SERTM1: variants seen among roughly 807,000 people sequenced by gnomAD.
SERTM1 encodes the protein serine rich and transmembrane domain containing 1, also known as serine-rich and transmembrane domain-containing protein 1.
A neutral mutation model predicts 5.5 loss-of-function variants in SERTM1; 1 was observed. That is an observed-to-expected ratio of 0.18 (90% CI 0.06 to 0.86). The LOEUF (loss-of-function observed/expected upper bound fraction) is 0.86, where lower values mean the gene tolerates loss of function less well. Among genes scored for constraint, SERTM1 ranks in the 40% least tolerant of loss-of-function variants. The probability of loss-of-function intolerance (pLI) is 0.69; values close to 1 mark genes in which losing one functional copy is unlikely to be tolerated. For missense variants in SERTM1, 91 were observed against 122.4 expected (o/e 0.74, Z 1.21); for synonymous variants, 52 against 55.1 (o/e 0.94, Z 0.25).
chr13:36,687,281 A>G (rs1289518441), intron 1 of SERTM1, among the ~76,000 whole-genome samples: 3 of 152,200 alleles, frequency 2.0e-5, no homozygotes, highest in Admixed American at 6.5e-5. Flanking sequence ...ATTTATGCAT[A>G]TTTGTGATGT....
intron 1 of SERTM1, among the ~76,000 whole-genome samples, chr13:36,680,705 G>A (rs948129674): frequency 3.9e-5 from 6 of 152,082 alleles, no homozygotes; most frequent in African/African-American, 9.7e-5. Flanking sequence ...TGCTTGTGTG[G>A]TTTTTAGTTT....
rs74883852 is a variant in SERTM1, at chr13:36,696,941, G to A, written c.*1539G>A. On this transcript the variant is annotated 3_prime_UTR_variant, in exon 2 of 2. Transcript: ENST00000315190. ...GCACTCTCCAGTGATTAGAATGGGG[G>A]AAAGAATCCACTATTTGTACAGGGT... The A allele has an allele frequency of 9.4e-4, 157 of 167,096 alleles. 3 individuals are homozygous for A. In the East Asian group the frequency reaches 0.028, roughly 30 times the overall value. The allele number at this position is 167,096 out of a possible 1,614,324, so 10.4% of individuals were successfully genotyped here.
At position 36,695,458 on chromosome 13, in the gene SERTM1, T is replaced by G; in HGVS notation, c.*56T>G. On this transcript the variant is annotated 3_prime_UTR_variant, in exon 2 of 2. Coordinates refer to ENST00000315190, the MANE Select transcript of SERTM1 (RefSeq NM_203451.3). ...CAGTTTTGACATCCCCTTACGGAAG[T>G]GTCCCGTGAGGCATTGCCTCATGAA... is the stretch of plus-strand genomic sequence containing the variant. The G allele has an allele frequency of 7.5e-7, 1 of 1,330,340 alleles. No homozygotes were observed. 82.4% of individuals were successfully genotyped at this position (1,330,340 alleles called of 1,614,324 possible). A position where few individuals can be genotyped will look rare whatever the true frequency, so the allele number is the denominator to read the frequency against.
rs542156490 is a variant in SERTM1 at position 36,695,111 on chromosome 13, G to A, written c.33G>A (p.Ser11=). ...AACCTGACACTTCCTCAGGATTTTC[G>A]GGAAGTGTGGAGAATGGAACTTTTC... is the stretch of plus-strand genomic sequence containing the variant. MSEPDTSSGF[S]GSVENGTFLE... is the part of the protein sequence containing the mutation. Residue 11 remains serine (S), a synonymous_variant, in exon 2 of 2, where the codon TCG becomes TCA. Transcript: ENST00000315190. 36 of 1,613,932 alleles carry A rather than the reference G, an allele frequency of 2.2e-5. No homozygotes were observed. Among genetic ancestry groups the A allele is most frequent in the Admixed American group, 6.7e-5 (4 of 59,988 alleles).
At chr13:36,675,110 G>A (rs971258738) in intron 1 of SERTM1, among the ~76,000 whole-genome samples, 4 of 152,184 alleles carry the variant, frequency 2.6e-5, no homozygotes, top group Non-Finnish European at 5.9e-5. Context: ...GGGCTCCATC[G>A]GACTTGGGTT....
At chr13:36,679,945 T>A (rs758768227) in intron 1 of SERTM1, among the ~76,000 whole-genome samples, 1 of 152,104 alleles carries the variant, frequency 6.6e-6, no homozygotes, top group Non-Finnish European at 1.5e-5. Flanking sequence ...CAAAAAAAAA[T>A]ATTAAACATA....
intron 1 of SERTM1, among the ~76,000 whole-genome samples, chr13:36,681,771 T>G (rs986963121): frequency 6.6e-6 from 1 of 152,192 alleles, no homozygotes; most frequent in Non-Finnish European, 1.5e-5. Flanking sequence ...CTTCATAGTC[T>G]CACTATGGTA....
At chr13:36,677,111 G>C (rs1348381697) in intron 1 of SERTM1, among the ~76,000 whole-genome samples, 1 of 152,122 alleles carries the variant, frequency 6.6e-6, no homozygotes, top group Non-Finnish European at 1.5e-5. Context: ...GTATCCCTAG[G>C]ATACAACGTC....
intron 1 of SERTM1, among the ~76,000 whole-genome samples, chr13:36,686,132 G>C (rs1200351244): frequency 6.6e-6 from 1 of 152,196 alleles, no homozygotes; most frequent in East Asian, 1.9e-4. Context: ...AGGCTTACTA[G>C]TGAGTCACCA....
intron 1 of SERTM1, among the ~76,000 whole-genome samples, chr13:36,687,674 A>G (rs558919477): frequency 8.5e-5 from 13 of 152,274 alleles, no homozygotes; most frequent in African/African-American, 2.6e-4. Context: ...CTAAGTGGCA[A>G]AGAAGTTTGG....
intron 1 of SERTM1, among the ~76,000 whole-genome samples, chr13:36,691,537 A>G (rs142907223): frequency 1.9e-4 from 29 of 152,222 alleles, no homozygotes; most frequent in African/African-American, 7.0e-4. Context: ...ATGAGCTAAA[A>G]CATTTCCACA....
At chr13:36,691,772 C>G (rs1474286064) in intron 1 of SERTM1, among the ~76,000 whole-genome samples, 4 of 152,058 alleles carry the variant, frequency 2.6e-5, no homozygotes, top group African/African-American at 9.7e-5. Flanking sequence ...TGTTTGGGAG[C>G]AACAGCCCAA....
In SERTM1 at chr13:36,684,153, C is replaced by T. The variant is rs184239422; in HGVS notation, c.-174+9969C>T. Among the ~76,000 whole-genome samples the T allele has an allele frequency of 3.3e-5, 5 of 152,114 alleles. No individual in the cohort carries two copies. In the East Asian group the frequency reaches 5.8e-4, roughly 18 times the overall value. On this transcript the variant is annotated intron_variant, in intron 1 of 1. Transcript: ENST00000315190. ...TCTCTACTAAAATACAAAAATTAGCCGGACGTGGTGGTGGGTGCCTCTACT... is the reference window on the plus strand; with the variant it reads ...TCTCTACTAAAATACAAAAATTAGCTGGACGTGGTGGTGGGTGCCTCTACT...
chr13:36,683,895 C>A (rs1475062344), intron 1 of SERTM1, among the ~76,000 whole-genome samples: 2 of 152,202 alleles, frequency 1.3e-5, no homozygotes, highest in African/African-American at 2.4e-5. Context: ...AACCCACAGT[C>A]TCCCCAGAGA....
At chr13:36,684,636 A>G (rs572883070) in intron 1 of SERTM1, among the ~76,000 whole-genome samples, 9 of 152,020 alleles carry the variant, frequency 5.9e-5, no homozygotes, top group African/African-American at 1.7e-4. Flanking sequence ...TGTACCTCTC[A>G]TCATTCTTCT....
In SERTM1 at chr13:36,682,105, T is replaced by C. The variant is rs114025911; in HGVS notation, c.-174+7921T>C. Reference sequence around the variant, plus strand: ...ATGCTTACCCCCTTTGAGTAATCTTTATGATTTTACACAAGATCATTTATT... The same window carrying C: ...ATGCTTACCCCCTTTGAGTAATCTTCATGATTTTACACAAGATCATTTATT... On this transcript the variant is annotated intron_variant, in intron 1 of 1. Coordinates refer to ENST00000315190, the MANE Select transcript of SERTM1 (RefSeq NM_203451.3). 9.8e-4 allele frequency among the ~76,000 whole-genome samples: 149 copies of C among 152,344 alleles called. 1 individual carries two copies. Among genetic ancestry groups the C allele is most frequent in the African/African-American group, 3.4e-3 (143 of 41,582 alleles).
At chr13:36,685,353 T>A (rs1003848834) in intron 1 of SERTM1, among the ~76,000 whole-genome samples, 1 of 152,178 alleles carries the variant, frequency 6.6e-6, no homozygotes, top group Admixed American at 6.5e-5. Context: ...TTTTCTCCCT[T>A]CCCAGGTGTC....
At chr13:36,694,172 A>C (rs1405882586) in intron 1 of SERTM1, among the ~76,000 whole-genome samples, 2 of 152,192 alleles carry the variant, frequency 1.3e-5, no homozygotes, top group African/African-American at 4.8e-5. Context: ...TGCTCAGAAA[A>C]CGTAGGTAAT....
At chr13:36,687,221 G>T (rs187724313) in intron 1 of SERTM1, among the ~76,000 whole-genome samples, 1 of 152,160 alleles carries the variant, frequency 6.6e-6, no homozygotes, top group Admixed American at 6.5e-5. Flanking sequence ...GTCATTAAGC[G>T]AAAGACTCTG....
Sources: allele counts gnomAD v4.1 joint callset (sites outside exome capture counted in the v4.1 genomes callset), GRCh38; gene constraint gnomAD v4.1.1; transcripts MANE v1.5; gene names NCBI Gene and HGNC (gene_info 2026-07-23, HGNC 2026-07-21).